ALK: variants seen among roughly 807,000 people sequenced by gnomAD.
ALK encodes ALK receptor tyrosine kinase, also known as ALK tyrosine kinase receptor.
A neutral mutation model predicts 163.1 loss-of-function variants in ALK; 74 were observed. The ratio of observed to expected loss-of-function variants is 0.45; its 90% confidence interval spans 0.38 to 0.55. The LOEUF is 0.55. ALK is among the 20% of genes least tolerant of loss of function. ALK has a pLI of 0.00. For synonymous variants in ALK, 960 were observed against 843.2 expected, an observed-to-expected ratio of 1.14 and a Z score of -2.40; for missense variants, 2,063 against 2,105.3, an observed-to-expected ratio of 0.98 and a Z score of 0.39.
intron 8 of ALK, among the ~76,000 whole-genome samples, chr2:29,310,851 G>A (rs948049555): frequency 1.3e-5 from 2 of 152,196 alleles, no homozygotes; most frequent in Non-Finnish European, 2.9e-5. Context: ...GGGAGGTGGA[G>A]AGACTCTGTA....
chr2:29,353,504 A>C lies in ALK; in HGVS notation c.1283-25023T>G, dbSNP rs2148281251. Among the ~76,000 whole-genome samples the C allele has an allele frequency of 1.3e-5, 2 of 152,298 alleles. 1 individual carries two copies. The highest frequency in any genetic ancestry group is 3.9e-4 in the East Asian group (2 of 5,180). On this transcript the variant is annotated intron_variant, in intron 5 of 28. Coordinates refer to ENST00000389048, the MANE Select transcript of ALK (RefSeq NM_004304.5). Reference sequence around the variant, plus strand: ...ACACAGAGCTTTTATTGCTTTGCCGAGTCTGGGTCTGGCTCCATGCACAGC... The same window carrying C: ...ACACAGAGCTTTTATTGCTTTGCCGCGTCTGGGTCTGGCTCCATGCACAGC...
chr2:29,872,301 A>C (rs1264091815), intron 1 of ALK, among the ~76,000 whole-genome samples: 3 of 152,230 alleles, frequency 2.0e-5, no homozygotes, highest in African/African-American at 7.2e-5. Context: ...GGACATCCTG[A>C]AATCCTTCCA....
intron 4 of ALK, among the ~76,000 whole-genome samples, chr2:29,447,586 C>A (rs1670718387): frequency 6.6e-6 from 1 of 152,184 alleles, no homozygotes; most frequent in African/African-American, 2.4e-5. Context: ...GAGTCAGGCC[C>A]CATCCTTCTC....
Position 29,214,185 on chromosome 2 carries a change from A to G in ALK, c.3646-104T>C, listed in dbSNP as rs866225736. On this transcript the variant is annotated intron_variant, in intron 23 of 28. Transcript: ENST00000389048. ...GCTCACAAGGAGGCAGACCGTGAAC[A>G]TGCAGCTACACCAGGGGCCTCGGCC... 3.7e-5 allele frequency: 35 copies of G among 933,902 alleles called. No individual in the cohort carries two copies. In the African/African-American group the frequency reaches 5.0e-4, roughly 13 times the overall value. The allele number at this position is 933,902 out of a possible 1,614,324, so 57.9% of individuals were successfully genotyped here.
In ALK at chr2:29,193,861, T is replaced by C. The variant is rs1286165795; in HGVS notation, c.4226A>G (p.Glu1409Gly). 6.2e-7 allele frequency: 1 copy of C among 1,613,832 alleles called. No individual in the cohort carries two copies. Among genetic ancestry groups the C allele is most frequent in the Non-Finnish European group, 8.5e-7 (1 of 1,179,944 alleles). ...GTCCTTGGGCCTCACAGGCACTTTC[T>C]CTTCCTCTTCCACAAGTGGACCATA... ...IEYGPLVEEE[E>G]KVPVRPKDPE... Residue 1409 changes from glutamate to glycine, a missense_variant, in exon 29 of 29, where the codon GAG (glutamate) becomes GGG (glycine). Physicochemically the swap from Glu to Gly is moderately conservative, Grantham distance 98. This residue lies in a region of ALK where 403 missense variants were observed against 366.2 expected (regional missense o/e 1.10). Coordinates refer to ENST00000389048, the MANE Select transcript of ALK (RefSeq NM_004304.5).
At chr2:29,602,162 G>A (rs776125698) in intron 3 of ALK, among the ~76,000 whole-genome samples, 14 of 152,106 alleles carry the variant, frequency 9.2e-5, no homozygotes, top group Non-Finnish European at 1.6e-4. Flanking sequence ...CCAGCAGGAT[G>A]GGATTTATCA....
chr2:29,195,857 C>T (rs75900692), intron 28 of ALK, among the ~76,000 whole-genome samples: 2,185 of 152,248 alleles, frequency 0.014, 50 homozygotes, highest in African/African-American at 0.05. Flanking sequence ...AGGAGAGCAT[C>T]GGACAGAACA....
chr2:29,884,381 G>T (rs545656579), intron 1 of ALK, among the ~76,000 whole-genome samples: 1 of 152,168 alleles, frequency 6.6e-6, no homozygotes, highest in South Asian at 2.1e-4. Flanking sequence ...AGAAAAAGAT[G>T]AATTGCTTGA....
At chr2:29,875,808 A>G (rs1483347176) in intron 1 of ALK, among the ~76,000 whole-genome samples, 1 of 152,042 alleles carries the variant, frequency 6.6e-6, no homozygotes, top group East Asian at 1.9e-4. Flanking sequence ...TATGTGCCAC[A>G]TTTTCTTTAT....
intron 7 of ALK, 67 bp downstream of exon 7, chr2:29,320,684 G>A: frequency 6.2e-7 from 1 of 1,607,880 alleles, no homozygotes; most frequent in Non-Finnish European, 8.5e-7. Context: ...GTCCAGCCCT[G>A]AGTCTCCCAT....
intron 5 of ALK, among the ~76,000 whole-genome samples, chr2:29,382,884 A>AG (rs1668937968): frequency 6.6e-6 from 1 of 152,226 alleles, no homozygotes; most frequent in African/African-American, 2.4e-5. Context: ...TTTCCTGCAA[A>AG]GCCAGCAATA....
rs558193307 is a variant in ALK, at chr2:29,470,632, G to T, written c.1154+61283C>A. On this transcript the variant is annotated intron_variant, in intron 4 of 28. Coordinates refer to ENST00000389048, the MANE Select transcript of ALK (RefSeq NM_004304.5). Reference sequence around the variant, plus strand: ...CAGCCAAGAATTATTTACCCAGTGAGAATATTCTTCAAAAATCAAAGTGAA... The same window carrying T: ...CAGCCAAGAATTATTTACCCAGTGATAATATTCTTCAAAAATCAAAGTGAA... 5.9e-5 allele frequency among the ~76,000 whole-genome samples: 9 copies of T among 151,444 alleles called. No individual in the cohort carries two copies. In the South Asian group the frequency reaches 1.9e-3, roughly 32 times the overall value.
intron 3 of ALK, among the ~76,000 whole-genome samples, chr2:29,643,680 C>G (rs1040113677): frequency 3.9e-5 from 6 of 152,080 alleles, no homozygotes; most frequent in African/African-American, 1.2e-4. Context: ...TGAGCTGGCT[C>G]AGATCAATCA....
chr2:29,858,082 T>C (rs1285322320), intron 1 of ALK, among the ~76,000 whole-genome samples: 2 of 152,056 alleles, frequency 1.3e-5, no homozygotes, highest in South Asian at 2.1e-4. Flanking sequence ...TGTATGCATG[T>C]GGTATGCTTA....
chr2:29,403,242 G>C (rs757370814), intron 4 of ALK, among the ~76,000 whole-genome samples: 1 of 152,170 alleles, frequency 6.6e-6, no homozygotes, highest in African/African-American at 2.4e-5. Flanking sequence ...AAAGGCCAAA[G>C]CGGAATCCTT....
chr2:29,881,942 G>T (rs1397206739), intron 1 of ALK, among the ~76,000 whole-genome samples: 2 of 152,124 alleles, frequency 1.3e-5, no homozygotes, highest in Non-Finnish European at 2.9e-5. Context: ...GAAGGCCAAA[G>T]GAGCCTGCAG....
chr2:29,365,098 C>T (rs1253912151), intron 5 of ALK, among the ~76,000 whole-genome samples: 3 of 152,154 alleles, frequency 2.0e-5, no homozygotes, highest in African/African-American at 7.2e-5. Context: ...AAATTTTTTT[C>T]ACCGAGGTGT....
chr2:29,580,236 C>G (rs1368171832), intron 3 of ALK, among the ~76,000 whole-genome samples: 2 of 152,188 alleles, frequency 1.3e-5, no homozygotes, highest in East Asian at 3.8e-4. Flanking sequence ...TCTCACCCAG[C>G]ATGGATTGCT....
chr2:29,763,798 C>T (rs1478005223), intron 1 of ALK, among the ~76,000 whole-genome samples: 1 of 152,108 alleles, frequency 6.6e-6, no homozygotes, highest in East Asian at 1.9e-4. Context: ...AACCCTAGGG[C>T]ACTGAAAGGT....
Sources: gnomAD v4.1 joint callset for allele counts (sites outside exome capture counted in the v4.1 genomes callset) on GRCh38, gnomAD v4.1.1 for gene constraint, gnomAD v4.1.1 regional missense constraint, MANE v1.5 for transcripts, NCBI Gene and HGNC (gene_info 2026-07-23, HGNC 2026-07-21) for gene names.